The following PPARGC1A variants were observed in gnomAD, a reference collection of about 807,000 sequenced individuals.
PPARGC1A encodes the protein peroxisome proliferator-activated receptor gamma coactivator 1-alpha.
Under a neutral mutation model 88.7 loss-of-function variants are expected in PPARGC1A, and 25 were observed. The ratio of observed to expected loss-of-function variants is 0.28; its 90% CI spans 0.21 to 0.39. The LOEUF is 0.39. Ranked by LOEUF, PPARGC1A falls within the 10% of genes least tolerant of loss-of-function variation. The pLI is 1.00. For synonymous variants in PPARGC1A, 363 were observed against 355.6 expected (o/e 1.02, Z -0.24); for missense variants, 880 against 968.7 (o/e 0.91, Z 1.22).
the PPARGC1A span, among the ~76,000 whole-genome samples, chr4:24,374,000 G>A: frequency 2.7e-3 from 413 of 152,286 alleles, 5 homozygotes; most frequent in African/African-American, 9.4e-3. Flanking sequence ...AGGCACTGAC[G>A]TTTCTTAAAA....
chr4:23,920,678 T>A, the PPARGC1A span, among the ~76,000 whole-genome samples: 1 of 152,326 alleles, frequency 6.6e-6, no homozygotes, highest in African/African-American at 2.4e-5. Context: ...ACTTTCTTCC[T>A]CCCAGCTCTA....
At chr4:23,853,356 C>G (rs1729644434) in intron 2 of PPARGC1A, among the ~76,000 whole-genome samples, 1 of 152,036 alleles carries the variant, frequency 6.6e-6, no homozygotes, top group African/African-American at 2.4e-5. Context: ...TTTATGTGTT[C>G]TATTACAATG....
chr4:24,004,062 C>T, the PPARGC1A span, among the ~76,000 whole-genome samples: 1 of 152,226 alleles, frequency 6.6e-6, no homozygotes, highest in African/African-American at 2.4e-5. Flanking sequence ...TGTTCTGAAA[C>T]ACTGAGCAAT....
the PPARGC1A span, among the ~76,000 whole-genome samples, chr4:24,405,561 C>A: frequency 6.6e-5 from 10 of 152,306 alleles, 1 homozygote; most frequent in South Asian, 1.9e-3. Context: ...CAATCTAGCG[C>A]AGCTCCCATG....
At chr4:24,251,350 A>C in the PPARGC1A span, among the ~76,000 whole-genome samples, 1 of 152,228 alleles carries the variant, frequency 6.6e-6, no homozygotes, top group African/African-American at 2.4e-5. Context: ...TATTTGTAAA[A>C]TACTTGTATG....
At chr4:24,307,833 A>G in the PPARGC1A span, among the ~76,000 whole-genome samples, 1 of 152,132 alleles carries the variant, frequency 6.6e-6, no homozygotes, top group Non-Finnish European at 1.5e-5. Flanking sequence ...CTGCTTTTTA[A>G]ATGAATACCC....
chr4:23,898,223 T>C (rs1718844670), intron 1 of PPARGC1A, among the ~76,000 whole-genome samples: 1 of 152,208 alleles, frequency 6.6e-6, no homozygotes, highest in African/African-American at 2.4e-5. Flanking sequence ...AAAAAGGTCA[T>C]ATGCCTAATA....
chr4:23,870,105 C>T (rs192438702), intron 2 of PPARGC1A, among the ~76,000 whole-genome samples: 3 of 152,308 alleles, frequency 2.0e-5, no homozygotes, highest in Admixed American at 2.0e-4. Context: ...TATATAAACT[C>T]CATTAAAATC....
chr4:23,794,386 G>A lies in PPARGC1A; in HGVS notation c.*1436C>T, dbSNP rs879487794. Reference sequence around the variant, plus strand: ...CGACAAGAAAATGTGGAAAAATATCGCAGAAGTGGTTAATACCTTTAGGGG... The same window carrying A: ...CGACAAGAAAATGTGGAAAAATATCACAGAAGTGGTTAATACCTTTAGGGG... On this transcript the variant is annotated 3_prime_UTR_variant, in exon 13 of 13. Transcript: ENST00000264867. The A allele has an allele frequency of 3.9e-5, 6 of 152,410 alleles. No homozygotes were observed. The highest frequency in any genetic ancestry group is 7.4e-5 in the Non-Finnish European group (5 of 67,996). 9.4% of individuals were successfully genotyped at this position (152,410 alleles called of 1,614,324 possible).
the PPARGC1A span, among the ~76,000 whole-genome samples, chr4:24,239,061 TATA>T: frequency 7.2e-5 from 11 of 152,144 alleles, no homozygotes; most frequent in South Asian, 2.1e-4. Flanking sequence ...CAACTATTAG[TATA>T]ATAAGTTGGA....
chr4:24,343,718 G>C, the PPARGC1A span, among the ~76,000 whole-genome samples: 1 of 152,062 alleles, frequency 6.6e-6, no homozygotes, highest in African/African-American at 2.4e-5. Flanking sequence ...TGAGAGTGGA[G>C]ATGTGGTGTG....
chr4:24,207,365 CCTAA>C, the PPARGC1A span, among the ~76,000 whole-genome samples: 2 of 152,098 alleles, frequency 1.3e-5, no homozygotes, highest in African/African-American at 4.8e-5. Context: ...CAAAACAGGC[CCTAA>C]CTGCCAATTT....
At chr4:24,351,448 A>C in the PPARGC1A span, among the ~76,000 whole-genome samples, 1 of 152,026 alleles carries the variant, frequency 6.6e-6, no homozygotes, top group Non-Finnish European at 1.5e-5. Flanking sequence ...GATTAGAGGA[A>C]AAATGCGATT....
At chr4:24,226,548 G>A in the PPARGC1A span, among the ~76,000 whole-genome samples, 1 of 152,196 alleles carries the variant, frequency 6.6e-6, no homozygotes. Context: ...CAAAGAATTA[G>A]CTCCTCTGGA....
the PPARGC1A span, among the ~76,000 whole-genome samples, chr4:23,932,641 A>G: frequency 7.2e-5 from 11 of 152,306 alleles, no homozygotes; most frequent in East Asian, 2.1e-3. Context: ...TAGCTTAACG[A>G]ATTTTTTTTT....
chr4:23,895,621 C>G lies in PPARGC1A; in HGVS notation n.52+3646G>C, dbSNP rs570966612. Among the ~76,000 whole-genome samples the G allele has an allele frequency of 6.6e-5, 10 of 152,132 alleles. No individual in the cohort carries two copies. In the South Asian group the frequency reaches 2.1e-3, roughly 32 times the overall value. On this transcript the variant is annotated intron_variant and non_coding_transcript_variant, in intron 1 of 3. Transcript: ENST00000507342. ...AAGACTTTTGAGAAAACATCCTTAACCAAGACGACCGCTTCTAGGATTGAC... is the reference window on the plus strand; with the variant it reads ...AAGACTTTTGAGAAAACATCCTTAAGCAAGACGACCGCTTCTAGGATTGAC...
chr4:24,122,324 G>C, the PPARGC1A span, among the ~76,000 whole-genome samples: 11 of 151,824 alleles, frequency 7.2e-5, no homozygotes, highest in Non-Finnish European at 1.5e-4. Context: ...ATAGGGTAGA[G>C]AGGAAGGTGC....
At chr4:24,329,141 C>T in the PPARGC1A span, among the ~76,000 whole-genome samples, 3 of 152,014 alleles carry the variant, frequency 2.0e-5, no homozygotes, top group South Asian at 2.1e-4. Context: ...TCCAGACTGA[C>T]CCAGGGTGAG....
the PPARGC1A span, among the ~76,000 whole-genome samples, chr4:24,121,561 C>T: frequency 2.0e-5 from 3 of 152,118 alleles, no homozygotes; most frequent in African/African-American, 7.2e-5. Context: ...GGAGCCACTC[C>T]TGCCGGTTCT....
Sources: allele counts gnomAD v4.1 joint callset (sites outside exome capture counted in the v4.1 genomes callset), GRCh38; gene constraint gnomAD v4.1.1; transcripts MANE v1.5; gene names NCBI Gene and HGNC (gene_info 2026-07-23, HGNC 2026-07-21).